The following PDE4D variants were observed in gnomAD, a reference collection of about 807,000 sequenced individuals.
PDE4D encodes the protein phosphodiesterase 4D, also known as 3',5'-cyclic-AMP phosphodiesterase 4D.
A neutral mutation model predicts 87.4 loss-of-function variants in PDE4D; 24 were observed. That is an observed-to-expected ratio of 0.27 (90% CI 0.20 to 0.39). The LOEUF is 0.39. Ranked by LOEUF, PDE4D falls within the 10% of genes least tolerant of loss-of-function variation. The pLI, the probability that PDE4D is intolerant of heterozygous loss-of-function variation, is 1.00. For synonymous variants in PDE4D, 384 were observed against 383.2 expected (o/e 1.00, Z -0.02); for missense variants, 714 against 1,041.0 (o/e 0.69, Z 4.32).
At chr5:59,392,491 ATG>A (rs922583880) in intron 1 of PDE4D, among the ~76,000 whole-genome samples, 2 of 133,588 alleles carry the variant, frequency 1.5e-5, no homozygotes, top group African/African-American at 6.0e-5. Context: ...CTTTATATAT[ATG>A]TGTGTGTGTC....
chr5:59,978,715 T>C (rs1163004147), intron 3 of PDE4D, among the ~76,000 whole-genome samples: 1 of 152,174 alleles, frequency 6.6e-6, no homozygotes, highest in Non-Finnish European at 1.5e-5. Context: ...CACCATTGCA[T>C]GCTACAGAGA....
intron 1 of PDE4D, among the ~76,000 whole-genome samples, chr5:59,440,547 C>G (rs61517419): frequency 0.016 from 2,472 of 152,162 alleles, 65 homozygotes; most frequent in African/African-American, 0.057. Flanking sequence ...GAGGCTGAGG[C>G]GGGCAGATCA....
intron 2 of PDE4D, among the ~76,000 whole-genome samples, chr5:59,200,173 GTATGTATA>G (rs1196994648): frequency 1.5e-5 from 1 of 67,354 alleles, no homozygotes; most frequent in African/African-American, 3.7e-5. Context: ...GTATACACGT[GTATGTATA>G]TATGTATACA....
chr5:59,251,695 T>C (rs1319047169), intron 1 of PDE4D, among the ~76,000 whole-genome samples: 1 of 152,122 alleles, frequency 6.6e-6, no homozygotes, highest in Non-Finnish European at 1.5e-5. Context: ...CAGAGGAATA[T>C]AAATCATTCT....
chr5:59,277,691 T>C (rs1765082301), intron 1 of PDE4D, among the ~76,000 whole-genome samples: 2 of 151,898 alleles, frequency 1.3e-5, no homozygotes, highest in South Asian at 2.1e-4. Context: ...GACTGTTGAG[T>C]TTTCAACTCT....
intron 1 of PDE4D, among the ~76,000 whole-genome samples, chr5:59,574,085 TATATATATAAATATA>T (rs1822523941): frequency 4.7e-5 from 1 of 21,244 alleles, no homozygotes; most frequent in African/African-American, 3.2e-4. Context: ...TATATATATT[TATATATATAAATATA>T]TATTTATATA....
chr5:59,457,957 A>T (rs1800181731), intron 1 of PDE4D, among the ~76,000 whole-genome samples: 1 of 152,096 alleles, frequency 6.6e-6, no homozygotes, highest in Non-Finnish European at 1.5e-5. Flanking sequence ...ACAAGAAAAT[A>T]ACGACCTACA....
At chr5:60,238,978 C>A (rs1178029891) in intron 1 of PDE4D, among the ~76,000 whole-genome samples, 3 of 152,052 alleles carry the variant, frequency 2.0e-5, no homozygotes, top group African/African-American at 7.2e-5. Context: ...ATAACTCTCA[C>A]ATGCTTAGCA....
At chr5:59,807,835 A>C (rs990440447) in intron 1 of PDE4D, among the ~76,000 whole-genome samples, 1 of 152,154 alleles carries the variant, frequency 6.6e-6, no homozygotes, top group Non-Finnish European at 1.5e-5. Flanking sequence ...AGTGGTATGC[A>C]GGCTCCCACC....
intron 1 of PDE4D, among the ~76,000 whole-genome samples, chr5:59,796,674 T>C (rs988789866): frequency 6.6e-6 from 1 of 152,262 alleles, no homozygotes; most frequent in Non-Finnish European, 1.5e-5. Context: ...TAAGAACATA[T>C]GTACTTGTTT....
At chr5:59,056,170 G>A (rs1379472631) in intron 5 of PDE4D, among the ~76,000 whole-genome samples, 2 of 152,116 alleles carry the variant, frequency 1.3e-5, no homozygotes, top group Admixed American at 6.6e-5. Flanking sequence ...ACCACAGAAG[G>A]AGTGGATCTG....
At chr5:60,149,574 T>G (rs1279311291) in intron 2 of PDE4D, among the ~76,000 whole-genome samples, 1 of 152,118 alleles carries the variant, frequency 6.6e-6, no homozygotes, top group East Asian at 1.9e-4. Flanking sequence ...TGAGTTATTA[T>G]CTTTCTTTTC....
At chr5:59,115,924 T>C (rs1172640450) in intron 5 of PDE4D, among the ~76,000 whole-genome samples, 1 of 152,154 alleles carries the variant, frequency 6.6e-6, no homozygotes, top group Middle Eastern at 3.2e-3. Flanking sequence ...AGTTTTAAAA[T>C]AACTTTGCAA....
intron 5 of PDE4D, 77 bp from the exon 6 acceptor site, chr5:59,039,048 CCTGCCATACCCCGCCATG>C: frequency 6.6e-7 from 1 of 1,520,252 alleles, no homozygotes; most frequent in South Asian, 1.3e-5. Flanking sequence ...AGGGGGCCAT[CCTGCCATACCCCGCCATG>C]CTCGGATGCC....
chr5:59,368,902 G>A (rs1441646157), intron 1 of PDE4D, among the ~76,000 whole-genome samples: 1 of 152,210 alleles, frequency 6.6e-6, no homozygotes, highest in African/African-American at 2.4e-5. Flanking sequence ...ATGAGAATGT[G>A]TGGCTTAGCA....
At chr5:59,880,213 C>T (rs943058698) in intron 1 of PDE4D, among the ~76,000 whole-genome samples, 1 of 152,070 alleles carries the variant, frequency 6.6e-6, no homozygotes, top group Non-Finnish European at 1.5e-5. Flanking sequence ...TCAAGCGATC[C>T]TCCTACCCCA....
chr5:59,524,232 A>G (rs527725400), intron 1 of PDE4D, among the ~76,000 whole-genome samples: 67 of 152,362 alleles, frequency 4.4e-4, no homozygotes, highest in Non-Finnish European at 9.1e-4. Context: ...GAGGGCTCAG[A>G]AGACAGAAAG....
chr5:59,574,014 A>G (rs295933), intron 1 of PDE4D, among the ~76,000 whole-genome samples: 1 of 102,638 alleles, frequency 9.7e-6, no homozygotes, highest in Admixed American at 1.2e-4. Context: ...AAATATATAT[A>G]TATATATATA....
At position 59,893,591 on chromosome 5, in the gene PDE4D, C is replaced by T. The variant is rs1312350146; in HGVS notation, c.32G>A (p.Arg11Gln). 1 of 1,520,992 alleles carries T rather than the reference C, an allele frequency of 6.6e-7. No homozygotes were observed. Among genetic ancestry groups the T allele is most frequent in the Admixed American group, 2.1e-5 (1 of 48,452 alleles). The allele number at this position is 1,520,992 out of a possible 1,614,324, so 94.2% of individuals were successfully genotyped here. A position where few individuals can be genotyped will look rare whatever the true frequency, so the allele number is the denominator to read the frequency against. MEAEGSSAPA[R>Q]AGSGEGSDSA... is the part of the protein sequence containing the mutation. ...GTCGCTGCCCTCTCCGCTGCCCGCC[C>T]GGGCCGGCGCGCTGCTGCCCTCTGC... The change falls in exon 1 of 15, where the codon CGG becomes CAG. Residue 11 changes from arginine (R) to glutamine (Q), a missense_variant. Physicochemically the swap from Arg to Gln is conservative, Grantham distance 43. This residue lies in a region of PDE4D where 268 missense variants were observed against 272.9 expected (regional missense o/e 0.98). Transcript: ENST00000340635.
Sources: allele counts gnomAD v4.1 joint callset (sites outside exome capture counted in the v4.1 genomes callset), GRCh38; gene constraint gnomAD v4.1.1; regional missense constraint gnomAD v4.1.1; transcripts MANE v1.5; gene names NCBI Gene and HGNC (gene_info 2026-07-23, HGNC 2026-07-21).